The following CAMK4 variants were observed in gnomAD, a reference collection of about 807,000 sequenced individuals.
The protein encoded by CAMK4 is calcium/calmodulin-dependent protein kinase type IV.
In CAMK4, 22 loss-of-function variants were observed where a neutral mutation model predicts 44.9. That is an observed-to-expected ratio of 0.49 (90% CI 0.35 to 0.70). The LOEUF (loss-of-function observed/expected upper bound fraction) is 0.70. Ranked by LOEUF, CAMK4 falls within the 30% of genes least tolerant of loss-of-function variation. CAMK4 has a pLI of 0.01. For synonymous variants in CAMK4, 218 were observed against 215.4 expected (o/e 1.01, Z -0.11); for missense variants, 498 against 586.8 (o/e 0.85, Z 1.56).
chr5:111,461,704 C>T (rs1461464770), intron 7 of CAMK4, among the ~76,000 whole-genome samples: 1 of 151,584 alleles, frequency 6.6e-6, no homozygotes, highest in Non-Finnish European at 1.5e-5. Context: ...TCCCTCCTCC[C>T]TCCTCCTTCC....
intron 4 of CAMK4, among the ~76,000 whole-genome samples, chr5:111,393,775 T>G (rs2112859692): frequency 6.6e-6 from 1 of 152,098 alleles, no homozygotes; most frequent in South Asian, 2.1e-4. Context: ...GGTACTAGGC[T>G]TAATACCTGG....
chr5:111,289,302 C>T lies in CAMK4; in HGVS notation c.162-54722C>T, dbSNP rs555366143. On this transcript the variant is annotated intron_variant, in intron 1 of 10. Coordinates refer to ENST00000282356, the MANE Select transcript of CAMK4 (RefSeq NM_001744.6). ...CAGAGGTTGCAGTGAGCAGAGATTG[C>T]GCCATTGCACTCCAGCCTGAGCAAG... 5.5e-4 allele frequency among the ~76,000 whole-genome samples: 83 copies of T among 152,212 alleles called. 1 individual carries two copies. The highest frequency in any genetic ancestry group is 2.3e-3 in the Admixed American group (35 of 15,296).
At chr5:111,336,063 C>G (rs973057374) in intron 1 of CAMK4, among the ~76,000 whole-genome samples, 1 of 151,214 alleles carries the variant, frequency 6.6e-6, no homozygotes, top group African/African-American at 2.4e-5. Context: ...AGAAATCAGG[C>G]TCAAAGTATT....
chr5:111,296,344 G>A (rs1747484851), intron 1 of CAMK4, among the ~76,000 whole-genome samples: 1 of 152,182 alleles, frequency 6.6e-6, no homozygotes, highest in Non-Finnish European at 1.5e-5. Flanking sequence ...GAAAAGTCTG[G>A]AAAGTTTTCT....
intron 8 of CAMK4, among the ~76,000 whole-genome samples, chr5:111,475,662 T>A (rs1489957732): frequency 6.6e-6 from 1 of 152,252 alleles, no homozygotes; most frequent in East Asian, 1.9e-4. Context: ...ATAACAGTGC[T>A]GCTTACAACT....
intron 1 of CAMK4, among the ~76,000 whole-genome samples, chr5:111,282,483 G>A (rs1047279295): frequency 3.9e-5 from 6 of 151,986 alleles, no homozygotes; most frequent in South Asian, 2.1e-4. Context: ...AACTTTTTGC[G>A]TGAATCAGTT....
chr5:111,465,953 A>G (rs960918449), intron 7 of CAMK4, among the ~76,000 whole-genome samples: 2 of 152,240 alleles, frequency 1.3e-5, no homozygotes, highest in African/African-American at 4.8e-5. Context: ...ATCCTTAACA[A>G]AATACCAGCT....
chr5:111,371,827 G>A (rs143673390), intron 2 of CAMK4, among the ~76,000 whole-genome samples: 1 of 152,270 alleles, frequency 6.6e-6, no homozygotes, highest in East Asian at 1.9e-4. Context: ...ATTGGCTACA[G>A]CCATCATTTT....
chr5:111,235,518 A>G (rs1748674068), intron 1 of CAMK4, among the ~76,000 whole-genome samples: 1 of 152,194 alleles, frequency 6.6e-6, no homozygotes, highest in Admixed American at 6.5e-5. Flanking sequence ...TACACTAATA[A>G]CAATGTTCAA....
At chr5:111,396,078 G>C (rs13169989) in intron 5 of CAMK4, among the ~76,000 whole-genome samples, 2 of 151,994 alleles carry the variant, frequency 1.3e-5, no homozygotes, top group Non-Finnish European at 2.9e-5. Context: ...GGAGAGAGGA[G>C]GGAGGACTCT....
At chr5:111,357,645 G>A (rs1025680499) in intron 2 of CAMK4, among the ~76,000 whole-genome samples, 8 of 151,960 alleles carry the variant, frequency 5.3e-5, no homozygotes, top group Admixed American at 3.3e-4. Context: ...TATGTACAGA[G>A]GATACTAATT....
chr5:111,392,879 A>G (rs1751859161), intron 4 of CAMK4, among the ~76,000 whole-genome samples: 1 of 152,184 alleles, frequency 6.6e-6, no homozygotes, highest in Non-Finnish European at 1.5e-5. Flanking sequence ...TAAAATAACC[A>G]CCAAAGACTT....
At chr5:111,464,449 T>C (rs1754752865) in intron 7 of CAMK4, among the ~76,000 whole-genome samples, 3 of 152,190 alleles carry the variant, frequency 2.0e-5, no homozygotes, top group African/African-American at 4.8e-5. Context: ...CTGGCCTTGC[T>C]AGAGATCTAG....
chr5:111,357,314 A>C (rs935713737), intron 2 of CAMK4, among the ~76,000 whole-genome samples: 1 of 152,060 alleles, frequency 6.6e-6, no homozygotes, highest in Non-Finnish European at 1.5e-5. Flanking sequence ...AGAGAAGCTC[A>C]GGGTCAGGAG....
intron 7 of CAMK4, among the ~76,000 whole-genome samples, chr5:111,470,176 G>C (rs1386453626): frequency 6.6e-6 from 1 of 152,248 alleles, no homozygotes; most frequent in African/African-American, 2.4e-5. Context: ...AAAGTTCACT[G>C]TCAGGGCTGT....
intron 5 of CAMK4, among the ~76,000 whole-genome samples, chr5:111,433,343 G>A (rs1415522081): frequency 1.3e-5 from 2 of 152,190 alleles, no homozygotes; most frequent in African/African-American, 4.8e-5. Context: ...AGCAGGGACT[G>A]CTGATTGGAG....
At position 111,482,670 on chromosome 5, in the gene CAMK4, C is replaced by G; in HGVS notation, c.829-115C>G. 1.2e-6 allele frequency: 1 copy of G among 842,762 alleles called. No individual in the cohort carries two copies. 52.2% of individuals were successfully genotyped at this position (842,762 alleles called of 1,614,324 possible). A position where few individuals can be genotyped will look rare whatever the true frequency, so the allele number is the denominator to read the frequency against. ...GAGGACTTAAACAATTTTTTTCTCA[C>G]ATATATTTAGTGGTACTGCTGGGAA... On this transcript the variant is annotated intron_variant, in intron 9 of 10. Transcript: ENST00000282356. The surrounding 1 kb of genome is among the most constrained non-coding windows in gnomAD (Gnocchi z 4.9).
intron 5 of CAMK4, among the ~76,000 whole-genome samples, chr5:111,431,396 A>G (rs1561484283): frequency 6.6e-6 from 1 of 152,160 alleles, no homozygotes; most frequent in Non-Finnish European, 1.5e-5. Flanking sequence ...ACAACCTCAA[A>G]CTATGAAACT....
In CAMK4 at chr5:111,267,491, C is replaced by T. The variant is rs372284786; in HGVS notation, c.161+42847C>T. Among the ~76,000 whole-genome samples the T allele has an allele frequency of 6.6e-5, 10 of 151,908 alleles. No homozygotes were observed. In the East Asian group the frequency reaches 9.7e-4, roughly 15 times the overall value. On this transcript the variant is annotated intron_variant, in intron 1 of 10. Coordinates refer to ENST00000282356, the MANE Select transcript of CAMK4 (RefSeq NM_001744.6). ...CAGCACTTTGGGAGGCCGAGGCGGG[C>T]GGATCACGAGGTCAGGAGATCGAGA...
Sources: allele counts gnomAD v4.1 joint callset (sites outside exome capture counted in the v4.1 genomes callset), GRCh38; gene constraint gnomAD v4.1.1; non-coding constraint Gnocchi (gnomAD v3.1); transcripts MANE v1.5; gene names NCBI Gene and HGNC (gene_info 2026-07-23, HGNC 2026-07-21).